Variants in WDR70 observed in about 807,000 individuals in gnomAD.
WDR70 encodes WD repeat-containing protein 70.
WDR70 carries 53 observed loss-of-function variants against 88.6 expected under a neutral mutation model. That is an observed-to-expected ratio of 0.60 (90% CI 0.48 to 0.75). The LOEUF (loss-of-function observed/expected upper bound fraction) is 0.75. Among genes scored for constraint, WDR70 ranks in the 30% least tolerant of loss-of-function variants. WDR70 has a pLI of 0.00. For synonymous variants in WDR70, 280 were observed against 270.0 expected, an observed-to-expected ratio of 1.04 and a Z score of -0.36; for missense variants, 610 against 823.2, an observed-to-expected ratio of 0.74 and a Z score of 3.17.
At chr5:37,641,119 T>A (rs1040401873) in intron 10 of WDR70, among the ~76,000 whole-genome samples, 2 of 152,148 alleles carry the variant, frequency 1.3e-5, no homozygotes, top group African/African-American at 2.4e-5. Context: ...ACAGCATGCT[T>A]TTTTCCCCCT....
intron 3 of WDR70, among the ~76,000 whole-genome samples, chr5:37,390,177 GAA>G (rs1748766970): frequency 6.6e-6 from 1 of 150,850 alleles, no homozygotes; most frequent in African/African-American, 2.4e-5. Context: ...TTATCAGAGG[GAA>G]AAAAGTTAAT....
rs571295191 is a variant in WDR70, at chr5:37,447,716, T to C, written c.686+4344T>C. ...AAAACCAAACACCGCATGTTCTCAC[T>C]CGTAGGTGGGAATTGAACAATGAGA... On this transcript the variant is annotated intron_variant, in intron 7 of 17. Transcript: ENST00000265107. 3.9e-5 allele frequency among the ~76,000 whole-genome samples: 6 copies of C among 152,156 alleles called. No homozygotes were observed. The South Asian group carries it at 1.2e-3, about 32-fold the overall frequency.
intron 3 of WDR70, among the ~76,000 whole-genome samples, chr5:37,384,173 C>CT (rs57075180): frequency 3.2e-4 from 34 of 107,858 alleles, no homozygotes; most frequent in African/African-American, 8.6e-4. Flanking sequence ...ACTTTCCCCC[C>CT]TTTTTTTTTT....
intron 9 of WDR70, among the ~76,000 whole-genome samples, chr5:37,522,400 G>C (rs530744991): frequency 4.6e-5 from 7 of 151,128 alleles, no homozygotes; most frequent in African/African-American, 1.7e-4. Context: ...GAACCCAGGA[G>C]GTGGAGGTTA....
At chr5:37,487,065 C>T (rs1313698308) in intron 8 of WDR70, among the ~76,000 whole-genome samples, 1 of 152,164 alleles carries the variant, frequency 6.6e-6, no homozygotes, top group East Asian at 1.9e-4. Flanking sequence ...ACAAGAATAG[C>T]AGAAATCTAC....
chr5:37,679,902 C>A (rs752694840), intron 10 of WDR70, among the ~76,000 whole-genome samples: 3 of 152,258 alleles, frequency 2.0e-5, no homozygotes, highest in African/African-American at 7.2e-5. Flanking sequence ...TGGAGCTTCC[C>A]GGCTGCTTTG....
chr5:37,721,031 G>A (rs983911969), intron 13 of WDR70, 84 bp from the exon 14 acceptor site: 19 of 1,119,680 alleles, frequency 1.7e-5, no homozygotes, highest in Non-Finnish European at 2.3e-5. Flanking sequence ...ATTTGATATA[G>A]TAGACTAGCC....
intron 10 of WDR70, among the ~76,000 whole-genome samples, chr5:37,692,239 G>A (rs760314531): frequency 1.3e-4 from 20 of 151,504 alleles, no homozygotes; most frequent in Non-Finnish European, 2.2e-4. Context: ...CCTACCAACC[G>A]TAAAAAGTGC....
At chr5:37,411,351 C>T (rs1359451040) in intron 5 of WDR70, among the ~76,000 whole-genome samples, 1 of 152,180 alleles carries the variant, frequency 6.6e-6, no homozygotes, top group Non-Finnish European at 1.5e-5. Context: ...GTGAAACCAC[C>T]ATCCCAAATA....
chr5:37,510,129 A>C (rs947031082), intron 8 of WDR70, among the ~76,000 whole-genome samples: 6 of 152,168 alleles, frequency 3.9e-5, no homozygotes, highest in African/African-American at 1.4e-4. Context: ...TATAATTTTA[A>C]ACTTAAAGAA....
chr5:37,507,547 T>C (rs1446521667), intron 8 of WDR70, among the ~76,000 whole-genome samples: 2 of 152,214 alleles, frequency 1.3e-5, no homozygotes, highest in Admixed American at 6.5e-5. Context: ...ACTATCATTC[T>C]AAGTCTCTAC....
chr5:37,612,052 C>T (rs1166593655), intron 10 of WDR70, among the ~76,000 whole-genome samples: 3 of 152,052 alleles, frequency 2.0e-5, no homozygotes, highest in African/African-American at 7.2e-5. Flanking sequence ...ACAACTTTTA[C>T]CTAATAATAG....
chr5:37,441,678 C>T (rs970196140), intron 6 of WDR70, among the ~76,000 whole-genome samples: 5 of 151,892 alleles, frequency 3.3e-5, no homozygotes, highest in African/African-American at 9.7e-5. Context: ...ATAAGCTGGG[C>T]GTGGTGCTAC....
At chr5:37,751,342 A>G (rs781326059) in intron 17 of WDR70, among the ~76,000 whole-genome samples, 13 of 152,214 alleles carry the variant, frequency 8.5e-5, no homozygotes, top group Admixed American at 2.0e-4. Context: ...AGTGACAACA[A>G]GAAGTTTAAC....
rs377202112 is a variant in WDR70, at chr5:37,656,678, A to C, written c.1093-40977A>C. Among the ~76,000 whole-genome samples, 46 of 152,322 alleles carry C rather than the reference A, an allele frequency of 3.0e-4. 2 individuals are homozygous for C. The South Asian group carries it at 9.3e-3, about 31-fold the overall frequency. On this transcript the variant is annotated intron_variant, in intron 10 of 17. Transcript: ENST00000265107. ...AGAAATCTAGAGAGGCAGACTGGCT[A>C]CAGCTGCTTTGCTGAGCTGTGGTGG... is the stretch of plus-strand genomic sequence containing the variant.
chr5:37,457,283 A>G (rs899079534), intron 7 of WDR70, among the ~76,000 whole-genome samples: 6 of 152,138 alleles, frequency 3.9e-5, no homozygotes, highest in African/African-American at 1.4e-4. Context: ...TTTAGTAGAG[A>G]TAGGGTTTCA....
intron 10 of WDR70, among the ~76,000 whole-genome samples, chr5:37,651,756 C>A (rs1745415534): frequency 6.6e-6 from 1 of 152,152 alleles, no homozygotes; most frequent in Admixed American, 6.5e-5. Flanking sequence ...TGAATGTCTT[C>A]TTTTGAGAAG....
chr5:37,655,808 T>G (rs1283870701), intron 10 of WDR70, among the ~76,000 whole-genome samples: 2 of 152,006 alleles, frequency 1.3e-5, no homozygotes, highest in East Asian at 3.9e-4. Context: ...TGTTCTTCTC[T>G]AAACTAGTTA....
At chr5:37,391,634 A>C (rs1032786825) in intron 3 of WDR70, among the ~76,000 whole-genome samples, 6 of 152,234 alleles carry the variant, frequency 3.9e-5, no homozygotes, top group Non-Finnish European at 1.5e-5. Flanking sequence ...CATTATGTGG[A>C]TATACCACAT....
Sources: allele counts gnomAD v4.1 joint callset (sites outside exome capture counted in the v4.1 genomes callset), GRCh38; gene constraint gnomAD v4.1.1; transcripts MANE v1.5; gene names NCBI Gene and HGNC (gene_info 2026-07-23, HGNC 2026-07-21).